The following FIGN variants were observed in gnomAD, a reference collection of about 807,000 sequenced individuals.
FIGN encodes the protein fidgetin, microtubule severing factor.
Under a neutral mutation model 51.3 loss-of-function variants are expected in FIGN, and 11 were observed. The observed-to-expected ratio is 0.21, with a 90% CI of 0.13 to 0.35. The LOEUF (loss-of-function observed/expected upper bound fraction) is 0.35, where lower values mean the gene tolerates loss of function less well. Ranked by LOEUF, FIGN falls within the 10% of genes least tolerant of loss-of-function variation. The pLI is 1.00. For missense variants in FIGN, 857 were observed against 943.6 expected (o/e 0.91, Z 1.20); for synonymous variants, 407 against 363.2 (o/e 1.12, Z -1.37).
intron 2 of FIGN, among the ~76,000 whole-genome samples, chr2:163,619,978 GT>G (rs1489853424): frequency 6.6e-6 from 1 of 151,834 alleles, no homozygotes; most frequent in Non-Finnish European, 1.5e-5. Context: ...CTAAAACCAA[GT>G]AAAAAAAAGT....
chr2:163,610,491 G>T lies in FIGN; in HGVS notation c.1341C>A (p.Leu447=). The change falls in exon 3 of 3, where the codon CTC becomes CTA. Residue 447 remains leucine, a synonymous_variant. Transcript: ENST00000333129. ...LLSHPMQGPG[L]RAATSSNHSV... is the part of the protein sequence containing the mutation. ...AGTGGTTGGATGAGGTAGCTGCACG[G>T]AGTCCAGGGCCTTGCATTGGGTGAG... The T allele has an allele frequency of 6.2e-7, 1 of 1,614,136 alleles. No individual in the cohort carries two copies. Among genetic ancestry groups the T allele is most frequent in the Non-Finnish European group, 8.5e-7 (1 of 1,180,026 alleles).
intron 2 of FIGN, among the ~76,000 whole-genome samples, chr2:163,733,241 G>T (rs1684960365): frequency 6.6e-6 from 1 of 151,914 alleles, no homozygotes; most frequent in South Asian, 2.1e-4. Context: ...TTAAGAGGGG[G>T]GCAATTTACA....
At chr2:163,713,192 C>G (rs575334217) in intron 2 of FIGN, among the ~76,000 whole-genome samples, 12 of 152,186 alleles carry the variant, frequency 7.9e-5, no homozygotes, top group African/African-American at 2.9e-4. Flanking sequence ...CTGTTTTGTT[C>G]TTCTCACCTC....
chr2:163,609,995 G>T lies in FIGN; in HGVS notation c.1837C>A (p.Leu613Met). The T allele has an allele frequency of 6.2e-7, 1 of 1,614,136 alleles. No homozygotes were observed. The highest frequency in any genetic ancestry group is 1.1e-5 in the South Asian group (1 of 91,082). The change falls in exon 3 of 3, where the codon CTG becomes ATG. Residue 613 changes from leucine to methionine, a missense_variant. Physicochemically the swap from Leu to Met is conservative, Grantham distance 15. This residue lies in a region of FIGN where 799 missense variants were observed against 849.5 expected (regional missense o/e 0.94). Transcript: ENST00000333129. ...TCAGCCGAAGTTAGTACAGTGTCCAGTTGCATCAGAAATTCGGTTCTCATC... is the reference window on the plus strand; with the variant it reads ...TCAGCCGAAGTTAGTACAGTGTCCATTTGCATCAGAAATTCGGTTCTCATC... ...SRMRTEFLMQ[L>M]DTVLTSAEDQ... is the part of the protein sequence containing the mutation.
chr2:163,733,808 G>C (rs998980529), intron 2 of FIGN, among the ~76,000 whole-genome samples: 2 of 152,160 alleles, frequency 1.3e-5, no homozygotes, highest in African/African-American at 2.4e-5. Flanking sequence ...TGTTAGGAGA[G>C]AGCAGTGACC....
At chr2:163,721,719 G>A (rs928600369) in intron 2 of FIGN, among the ~76,000 whole-genome samples, 4 of 152,102 alleles carry the variant, frequency 2.6e-5, no homozygotes, top group African/African-American at 9.7e-5. Flanking sequence ...AATATGAAGT[G>A]GTAAGATAGC....
intron 2 of FIGN, 119 bp from the exon 3 acceptor site, chr2:163,611,925 A>ACCCACCG: frequency 3.8e-6 from 2 of 530,256 alleles, no homozygotes; most frequent in Non-Finnish European, 6.0e-6. Context: ...CATACTTTAA[A>ACCCACCG]AGATCTACAC....
At chr2:163,732,493 A>G (rs1684946530) in intron 2 of FIGN, among the ~76,000 whole-genome samples, 1 of 152,164 alleles carries the variant, frequency 6.6e-6, no homozygotes, top group Non-Finnish European at 1.5e-5. Flanking sequence ...TTTCAAAATA[A>G]TTTTCCTTTT....
At position 163,676,466 on chromosome 2, in the gene FIGN, TATATATATATATATATAA is replaced by T. The variant is rs1475239534; in HGVS notation, c.25+58419_25+58436del. On this transcript the variant is annotated intron_variant, in intron 2 of 2. Coordinates refer to ENST00000333129, the MANE Select transcript of FIGN (RefSeq NM_018086.4). ...ATATATATATATATATATATATATATATATATATATATATATAACTAGAGTCTGTGCACCCGAATCTGA... is the reference window on the plus strand; with the variant it reads ...ATATATATATATATATATATATATATCTAGAGTCTGTGCACCCGAATCTGA... Among the ~76,000 whole-genome samples, 67 of 106,918 alleles carry T rather than the reference TATATATATATATATATAA, an allele frequency of 6.3e-4. 4 individuals carry two copies. In the East Asian group the frequency reaches 6.9e-3, roughly 11 times the overall value. The allele number at this position is 106,918 out of a possible 152,430, so 70.1% of individuals were successfully genotyped here.
intron 2 of FIGN, among the ~76,000 whole-genome samples, chr2:163,709,510 T>C (rs1012188716): frequency 3.3e-5 from 5 of 152,188 alleles, no homozygotes; most frequent in Non-Finnish European, 7.3e-5. Context: ...TTCAGTATGC[T>C]GGAGAAAGAC....
chr2:163,653,128 G>GT (rs1464854064), intron 2 of FIGN, among the ~76,000 whole-genome samples: 1 of 152,090 alleles, frequency 6.6e-6, no homozygotes, highest in Non-Finnish European at 1.5e-5. Flanking sequence ...CTGTAAAGCA[G>GT]TACCTACCTC....
chr2:163,695,922 A>G (rs1480295391), intron 2 of FIGN, among the ~76,000 whole-genome samples: 4 of 152,188 alleles, frequency 2.6e-5, no homozygotes, highest in Non-Finnish European at 5.9e-5. Context: ...AGCCTGGCCA[A>G]TATGGTGAAA....
intron 2 of FIGN, among the ~76,000 whole-genome samples, chr2:163,730,172 G>A (rs114813507): frequency 0.014 from 2,058 of 152,212 alleles, 41 homozygotes; most frequent in African/African-American, 0.046. Flanking sequence ...TTTATTTTGA[G>A]TATATTCTTT....
intron 2 of FIGN, among the ~76,000 whole-genome samples, chr2:163,683,320 G>A (rs549115825): frequency 2.0e-5 from 3 of 152,308 alleles, no homozygotes; most frequent in Admixed American, 2.0e-4. Flanking sequence ...ATTTTAGGAT[G>A]CTAAAACAGT....
rs560235726 is a variant in FIGN, at chr2:163,698,387, C to G, written c.25+36516G>C. 1.3e-3 allele frequency among the ~76,000 whole-genome samples: 199 copies of G among 152,128 alleles called. 1 individual carries two copies. Among genetic ancestry groups the G allele is most frequent in the African/African-American group, 4.7e-3 (196 of 41,504 alleles). ...TTACCTGCCCCTTTGCTCCCTCCTC[C>G]TCCTTCCCCCTCCCTGGCGCCACTC... On this transcript the variant is annotated intron_variant, in intron 2 of 2. Transcript: ENST00000333129.
intron 2 of FIGN, chr2:163,612,725 T>TAAATACAC: frequency 3.8e-6 from 1 of 260,438 alleles, no homozygotes; most frequent in Non-Finnish European, 5.9e-6. Context: ...TGTGTATTTA[T>TAAATACAC]ACACATCCTG....
chr2:163,682,394 CACA>C (rs35263656), intron 2 of FIGN, among the ~76,000 whole-genome samples: 43,867 of 151,880 alleles, frequency 0.29, 6,484 homozygotes, highest in East Asian at 0.45. Context: ...AGTAATCCAA[CACA>C]ACAAGTATTT....
intron 2 of FIGN, among the ~76,000 whole-genome samples, chr2:163,658,117 T>A (rs190502311): frequency 3.9e-5 from 6 of 152,174 alleles, no homozygotes; most frequent in Non-Finnish European, 5.9e-5. Context: ...AATAAGTTGT[T>A]GTCTGCGGAA....
At chr2:163,653,192 A>G (rs1420523319) in intron 2 of FIGN, among the ~76,000 whole-genome samples, 1 of 152,100 alleles carries the variant, frequency 6.6e-6, no homozygotes, top group Non-Finnish European at 1.5e-5. Context: ...GCTTCAAATA[A>G]TGACTGGCAT....
Sources: allele counts gnomAD v4.1 joint callset (sites outside exome capture counted in the v4.1 genomes callset), GRCh38; gene constraint gnomAD v4.1.1; regional missense constraint gnomAD v4.1.1; transcripts MANE v1.5; gene names NCBI Gene and HGNC (gene_info 2026-07-23, HGNC 2026-07-21).